LRRIQ3: variants seen among roughly 807,000 people sequenced by gnomAD.
LRRIQ3 encodes the protein leucine rich repeats and IQ motif containing 3.
LRRIQ3 carries 75 observed loss-of-function variants against 59.3 expected under a neutral mutation model. The ratio of observed to expected loss-of-function variants is 1.26; its 90% CI spans 1.05 to 1.53. The LOEUF is 1.53. Ranked by LOEUF, LRRIQ3 falls within the 40% of genes most tolerant of loss-of-function variation. LRRIQ3 has a pLI of 0.00. For synonymous variants in LRRIQ3, 250 were observed against 231.3 expected, an observed-to-expected ratio of 1.08 and a Z score of -0.73; for missense variants, 831 against 710.0, an observed-to-expected ratio of 1.17 and a Z score of -1.94.
intron 5 of LRRIQ3, among the ~76,000 whole-genome samples, chr1:74,092,826 AG>A (rs1403828108): frequency 6.6e-6 from 1 of 152,072 alleles, no homozygotes; most frequent in East Asian, 1.9e-4. Context: ...CGGTTACAAT[AG>A]GGGACTTCAA....
At chr1:74,074,469 G>A (rs1046934564) in intron 6 of LRRIQ3, among the ~76,000 whole-genome samples, 192 bp downstream of exon 6, 5 of 151,778 alleles carry the variant, frequency 3.3e-5, no homozygotes, top group African/African-American at 4.8e-5. Context: ...TTTTATACAC[G>A]GATTACATGT....
At chr1:74,041,022 G>T (rs1654027473) in intron 7 of LRRIQ3, among the ~76,000 whole-genome samples, 191 bp downstream of exon 7, 1 of 151,598 alleles carries the variant, frequency 6.6e-6, no homozygotes, top group Non-Finnish European at 1.5e-5. Context: ...GAGAGATGGG[G>T]AAAGACAGAG....
At chr1:74,108,905 A>G (rs1171256619) in intron 5 of LRRIQ3, 1 of 407,118 alleles carries the variant, frequency 2.5e-6, no homozygotes, top group Non-Finnish European at 4.9e-6. Flanking sequence ...GCTACAGAGA[A>G]TAAGTTACAT....
intron 7 of LRRIQ3, among the ~76,000 whole-genome samples, chr1:74,034,661 CA>C (rs1227622996): frequency 5.3e-5 from 8 of 151,322 alleles, no homozygotes; most frequent in Non-Finnish European, 8.9e-5. Flanking sequence ...CACACACACA[CA>C]CACCACAAAG....
At chr1:74,069,953 A>T (rs1654974440) in intron 6 of LRRIQ3, among the ~76,000 whole-genome samples, 1 of 152,068 alleles carries the variant, frequency 6.6e-6, no homozygotes, top group Admixed American at 6.6e-5. Flanking sequence ...CAGAATGGTT[A>T]TTATAAAAAG....
At chr1:74,127,410 G>A (rs962199674) in intron 4 of LRRIQ3, among the ~76,000 whole-genome samples, 1 of 151,688 alleles carries the variant, frequency 6.6e-6, no homozygotes, top group African/African-American at 2.4e-5. Context: ...GTTGATTTGT[G>A]ATCTTCTCTT....
At chr1:74,050,781 G>T (rs1490507867) in intron 6 of LRRIQ3, among the ~76,000 whole-genome samples, 1 of 152,218 alleles carries the variant, frequency 6.6e-6, no homozygotes, top group Non-Finnish European at 1.5e-5. Flanking sequence ...AAGGAAGAAA[G>T]CAGTGGCATA....
chr1:74,072,528 T>C (rs1253931128), intron 6 of LRRIQ3, among the ~76,000 whole-genome samples: 1 of 151,952 alleles, frequency 6.6e-6, no homozygotes, highest in Non-Finnish European at 1.5e-5. Context: ...GAGATTAATG[T>C]TTTTATCACG....
intron 6 of LRRIQ3, among the ~76,000 whole-genome samples, chr1:74,047,689 G>A (rs1654246258): frequency 6.6e-6 from 1 of 151,990 alleles, no homozygotes; most frequent in African/African-American, 2.4e-5. Flanking sequence ...ACCAGAAAGT[G>A]GGTTTTCAAC....
At chr1:74,152,842 T>C (rs182171598) in intron 4 of LRRIQ3, among the ~76,000 whole-genome samples, 298 of 152,282 alleles carry the variant, frequency 2.0e-3, no homozygotes, top group Non-Finnish European at 3.0e-3. Context: ...TACCGGAACC[T>C]GATATTTATT....
chr1:74,070,505 TA>T (rs1440670205), intron 6 of LRRIQ3, among the ~76,000 whole-genome samples: 1 of 151,556 alleles, frequency 6.6e-6, no homozygotes, highest in African/African-American at 2.4e-5. Context: ...GGGAGAGGAT[TA>T]AAAAAATATG....
intron 1 of LRRIQ3, among the ~76,000 whole-genome samples, chr1:74,187,143 G>T (rs1450350405): frequency 3.3e-5 from 5 of 152,012 alleles, no homozygotes; most frequent in Non-Finnish European, 7.4e-5. Flanking sequence ...ACTAAAGGTA[G>T]AACTACCATT....
At chr1:74,154,240 C>CAAAAAAAAAAAAAAAA (rs71078186) in intron 4 of LRRIQ3, among the ~76,000 whole-genome samples, 23 of 57,274 alleles carry the variant, frequency 4.0e-4, no homozygotes, top group South Asian at 1.5e-3. Context: ...GACTCCTTCT[C>CAAAAAAAAAAAAAAAA]AAAAAAAAAA....
chr1:74,076,747 G>C (rs1230443366), intron 5 of LRRIQ3, among the ~76,000 whole-genome samples: 2 of 151,984 alleles, frequency 1.3e-5, no homozygotes, highest in East Asian at 3.9e-4. Context: ...TCTCCAAGCA[G>C]TGACTCATAG....
chr1:74,101,295 G>C (rs1489276952), intron 5 of LRRIQ3, among the ~76,000 whole-genome samples: 1 of 152,058 alleles, frequency 6.6e-6, no homozygotes, highest in Non-Finnish European at 1.5e-5. Context: ...GCAGCCAATA[G>C]ACACATGAAA....
chr1:74,167,034 A>G (rs952644567), intron 3 of LRRIQ3, among the ~76,000 whole-genome samples: 2 of 152,022 alleles, frequency 1.3e-5, no homozygotes, highest in Non-Finnish European at 2.9e-5. Flanking sequence ...TATGGAAAAC[A>G]GTGTGGAGAT....
At chr1:74,120,138 A>G (rs1646832146) in intron 4 of LRRIQ3, among the ~76,000 whole-genome samples, 1 of 147,572 alleles carries the variant, frequency 6.8e-6, no homozygotes, top group Non-Finnish European at 1.5e-5. Flanking sequence ...TTTTTTTTTG[A>G]CATGGAGTCC....
At chr1:74,077,338 T>C in intron 5 of LRRIQ3, among the ~76,000 whole-genome samples, 1 of 151,980 alleles carries the variant, frequency 6.6e-6, no homozygotes, top group East Asian at 1.9e-4. Flanking sequence ...AAATGTGTCA[T>C]TTCTTTCTTC....
At chr1:74,098,389 C>A (rs1182890469) in intron 5 of LRRIQ3, among the ~76,000 whole-genome samples, 1 of 152,080 alleles carries the variant, frequency 6.6e-6, no homozygotes, top group Non-Finnish European at 1.5e-5. Context: ...TACAGGAGCA[C>A]CCAGATTCAT....
Sources: gnomAD v4.1 joint callset for allele counts (sites outside exome capture counted in the v4.1 genomes callset) on GRCh38, gnomAD v4.1.1 for gene constraint, MANE v1.5 for transcripts, NCBI Gene and HGNC (gene_info 2026-07-23, HGNC 2026-07-21) for gene names.